GNB1L: variants seen among roughly 807,000 people sequenced by gnomAD.
GNB1L encodes the protein G protein subunit beta 1 like.
GNB1L carries 20 observed loss-of-function variants against 29.1 expected under a neutral mutation model. The ratio of observed to expected loss-of-function variants is 0.69; its 90% CI spans 0.48 to 1.00. The LOEUF (loss-of-function observed/expected upper bound fraction) is 1.00, where lower values mean the gene tolerates loss of function less well. GNB1L is among the 50% of genes least tolerant of loss of function. The pLI is 0.00. For missense variants in GNB1L, 421 were observed against 464.9 expected (o/e 0.91, Z 0.87); for synonymous variants, 193 against 206.5 (o/e 0.93, Z 0.56).
chr22:19,790,327 T>G (rs1310120895), intron 7 of GNB1L, among the ~76,000 whole-genome samples: 1 of 152,152 alleles, frequency 6.6e-6, no homozygotes, highest in Non-Finnish European at 1.5e-5. Context: ...GGTTGTTAAG[T>G]TCACTGATTT....
chr22:19,821,754 C>T (rs781312145), intron 2 of GNB1L, among the ~76,000 whole-genome samples: 3 of 152,224 alleles, frequency 2.0e-5, no homozygotes, highest in Non-Finnish European at 1.5e-5. Flanking sequence ...AACACTTCCT[C>T]GGCCACTCTG....
intron 7 of GNB1L, 84 bp from the exon 8 acceptor site, chr22:19,789,044 C>T: frequency 1.4e-6 from 2 of 1,432,132 alleles, no homozygotes; most frequent in South Asian, 2.6e-5. Flanking sequence ...CAGCTGGAAC[C>T]AGGAGAGACG....
intron 5 of GNB1L, 124 bp downstream of exon 5, chr22:19,812,146 CAGCCCCGGCTGCTGA>C: frequency 1.2e-6 from 1 of 861,506 alleles, no homozygotes; most frequent in Middle Eastern, 2.4e-4. Context: ...GGCTGTGCAT[CAGCCCCGGCTGCTGA>C]AGCTGCCGGC....
chr22:19,793,042 T>A, intron 7 of GNB1L: 3 of 1,595,598 alleles, frequency 1.9e-6, no homozygotes, highest in Non-Finnish European at 2.5e-6. Context: ...GTGGCTCGTA[T>A]CGCCAAGCTC....
chr22:19,851,278 CTCT>C (rs1018603280), intron 2 of GNB1L: 5 of 1,613,096 alleles, frequency 3.1e-6, no homozygotes, highest in Non-Finnish European at 3.4e-6. Context: ...AAACCTCCTC[CTCT>C]GTTTTCTGGG....
chr22:19,797,556 T>C (rs1937320825), intron 7 of GNB1L, among the ~76,000 whole-genome samples: 1 of 152,034 alleles, frequency 6.6e-6, no homozygotes, highest in East Asian at 1.9e-4. Flanking sequence ...CCAGGAGGGG[T>C]GGGAGGAGCC....
At chr22:19,804,878 C>T (rs1434223627) in intron 6 of GNB1L, among the ~76,000 whole-genome samples, 2 of 152,260 alleles carry the variant, frequency 1.3e-5, no homozygotes, top group African/African-American at 2.4e-5. Flanking sequence ...CAATGACCCA[C>T]GTTTCCCAAG....
intron 2 of GNB1L, among the ~76,000 whole-genome samples, chr22:19,830,434 T>C (rs991487855): frequency 1.3e-5 from 2 of 151,948 alleles, no homozygotes. Flanking sequence ...TAGAGAAAAT[T>C]CCATTTATAC....
chr22:19,805,253 G>A (rs1320031061), intron 6 of GNB1L, among the ~76,000 whole-genome samples: 1 of 152,212 alleles, frequency 6.6e-6, no homozygotes, highest in Non-Finnish European at 1.5e-5. Context: ...AAACCACAGG[G>A]GGAAGCTGAC....
intron 6 of GNB1L, among the ~76,000 whole-genome samples, chr22:19,802,858 C>T (rs1473926595): frequency 6.6e-6 from 1 of 152,272 alleles, no homozygotes; most frequent in African/African-American, 2.4e-5. Flanking sequence ...GCTCCAAGCC[C>T]TGGGCAGACA....
intron 5 of GNB1L, among the ~76,000 whole-genome samples, chr22:19,811,536 C>T (rs918588600): frequency 6.6e-6 from 1 of 152,152 alleles, no homozygotes; most frequent in Non-Finnish European, 1.5e-5. Flanking sequence ...ACACCCTCCC[C>T]GCACATCTTG....
intron 2 of GNB1L, among the ~76,000 whole-genome samples, chr22:19,845,057 TG>T (rs1419627910): frequency 1.3e-5 from 2 of 152,160 alleles, no homozygotes; most frequent in East Asian, 3.9e-4. Flanking sequence ...CTAAGCAAGC[TG>T]GGGCTGACAC....
intron 2 of GNB1L, among the ~76,000 whole-genome samples, chr22:19,831,257 C>T (rs555332053): frequency 1.3e-5 from 2 of 151,232 alleles, no homozygotes; most frequent in Non-Finnish European, 2.9e-5. Context: ...TACAGCTACT[C>T]GGGAGGCTGA....
Position 19,790,386 on chromosome 22 carries a change from C to T in GNB1L, c.733-1426G>A, listed in dbSNP as rs185739402. Among the ~76,000 whole-genome samples the T allele has an allele frequency of 1.7e-3, 254 of 152,302 alleles. 2 individuals are homozygous for T. The highest frequency in any genetic ancestry group is 0.013 in the Admixed American group (200 of 15,296). ...CCAAAGATATAATAGTCAACCTCAT[C>T]CCCGAGAGATTATCTGAGAACCCCC... On this transcript the variant is annotated intron_variant, in intron 7 of 7. Transcript: ENST00000329517.
At chr22:19,800,755 C>T (rs1054094498) in intron 7 of GNB1L, among the ~76,000 whole-genome samples, 1 of 152,252 alleles carries the variant, frequency 6.6e-6, no homozygotes, top group African/African-American at 2.4e-5. Flanking sequence ...CTACCATGTG[C>T]CTGCACAGGT....
chr22:19,821,169 A>G lies in GNB1L; in HGVS notation c.128+59T>C, dbSNP rs1937575554. On this transcript the variant is annotated intron_variant, in intron 3 of 7. Transcript: ENST00000329517. The stretch of plus-strand genomic sequence containing the variant: ...TCAAACAAGCGCTGGGCTCCTTGCT[A>G]GCTCACGACCTCCTGACTTGGCCCT... 3.9e-6 allele frequency: 6 copies of G among 1,527,526 alleles called. No individual in the cohort carries two copies. The East Asian group carries it at 1.1e-4, about 29-fold the overall frequency. The allele number at this position is 1,527,526 out of a possible 1,614,324, so 94.6% of individuals were successfully genotyped here.
intron 6 of GNB1L, among the ~76,000 whole-genome samples, chr22:19,803,377 C>T (rs1318025239): frequency 6.6e-6 from 1 of 152,214 alleles, no homozygotes; most frequent in Admixed American, 6.5e-5. Flanking sequence ...TCTCCCGGGG[C>T]ACCTCCTCCC....
chr22:19,791,744 G>C (rs1030196699), intron 7 of GNB1L, among the ~76,000 whole-genome samples: 1 of 152,228 alleles, frequency 6.6e-6, no homozygotes, highest in African/African-American at 2.4e-5. Context: ...CGGGGGTCCA[G>C]TCAGCCTGAA....
intron 4 of GNB1L, among the ~76,000 whole-genome samples, chr22:19,818,535 G>A (rs1332253738): frequency 6.6e-6 from 1 of 152,218 alleles, no homozygotes; most frequent in African/African-American, 2.4e-5. Flanking sequence ...GACAACCCTG[G>A]TGCCTTCGTC....
Sources: allele counts gnomAD v4.1 joint callset (sites outside exome capture counted in the v4.1 genomes callset), GRCh38; gene constraint gnomAD v4.1.1; transcripts MANE v1.5; gene names NCBI Gene and HGNC (gene_info 2026-07-23, HGNC 2026-07-21).